The following EHD3 variants were observed in gnomAD, a reference collection of about 807,000 sequenced individuals.
EHD3 encodes the protein EH domain containing 3.
Under a neutral mutation model 43.0 loss-of-function variants are expected in EHD3, and 17 were observed. The ratio of observed to expected loss-of-function variants is 0.40; its 90% CI spans 0.27 to 0.59. The LOEUF (loss-of-function observed/expected upper bound fraction) is 0.59. Among genes scored for constraint, EHD3 ranks in the 20% least tolerant of loss-of-function variants. EHD3 has a pLI of 0.49. For missense variants in EHD3, 594 were observed against 705.6 expected (o/e 0.84, Z 1.79); for synonymous variants, 313 against 289.5 (o/e 1.08, Z -0.82).
At chr2:31,240,595 C>CT (rs1471444564) in intron 1 of EHD3, among the ~76,000 whole-genome samples, 1 of 152,216 alleles carries the variant, frequency 6.6e-6, no homozygotes, top group Non-Finnish European at 1.5e-5. Flanking sequence ...AGGACAAACT[C>CT]TAGGCCCTTG....
intron 2 of EHD3, among the ~76,000 whole-genome samples, chr2:31,245,944 C>T (rs1319167735): frequency 6.6e-6 from 1 of 151,870 alleles, no homozygotes; most frequent in African/African-American, 2.4e-5. Context: ...GGCATGGAGT[C>T]AATAACAGTC....
intron 1 of EHD3, among the ~76,000 whole-genome samples, chr2:31,236,946 A>G (rs1343754262): frequency 2.0e-5 from 3 of 152,228 alleles, no homozygotes; most frequent in African/African-American, 7.2e-5. Flanking sequence ...ATTGCCACAG[A>G]TGATTCCTCA....
intron 1 of EHD3, among the ~76,000 whole-genome samples, chr2:31,235,164 A>G: frequency 6.6e-6 from 1 of 152,136 alleles, no homozygotes; most frequent in East Asian, 1.9e-4. Flanking sequence ...GCACAATGGA[A>G]GAGCTCCTGG....
At chr2:31,236,364 C>T (rs1320107341) in intron 1 of EHD3, among the ~76,000 whole-genome samples, 1 of 152,208 alleles carries the variant, frequency 6.6e-6, no homozygotes, top group East Asian at 1.9e-4. Context: ...TAATCCATTG[C>T]TTCTTAACTT....
chr2:31,240,298 CTT>C (rs904748598), intron 1 of EHD3, among the ~76,000 whole-genome samples: 3 of 152,172 alleles, frequency 2.0e-5, no homozygotes, highest in East Asian at 1.9e-4. Context: ...CCTGAATTAA[CTT>C]TTCTTTTTTC....
chr2:31,266,338 C>T lies in EHD3; in HGVS notation c.1242C>T (p.Phe414=), dbSNP rs771037253. 2.4e-5 allele frequency: 38 copies of T among 1,614,026 alleles called. No individual in the cohort carries two copies. Among genetic ancestry groups the T allele is most frequent in the South Asian group, 7.7e-5 (7 of 91,074 alleles). The stretch of plus-strand genomic sequence containing the variant: ...TCCAGATGGTGAAGGGCGGAGCGTT[C>T]GAGGGCACCCTGCACGGCCCCTTTG... ...RPIQMVKGGA[F]EGTLHGPFGH... The change falls in exon 6 of 6, where the codon TTC becomes TTT. Residue 414 remains phenylalanine (F), a synonymous_variant. Coordinates refer to ENST00000322054, the MANE Select transcript of EHD3 (RefSeq NM_014600.3). The surrounding 1 kb of genome is among the most constrained non-coding windows in gnomAD (Gnocchi z 5.1).
At chr2:31,244,166 G>A (rs554378510) in intron 1 of EHD3, 108 bp from the exon 2 acceptor site, 14 of 1,058,664 alleles carry the variant, frequency 1.3e-5, no homozygotes, top group Middle Eastern at 3.3e-4. Context: ...TCTTGCTGCG[G>A]TGGCCCTGCC....
At chr2:31,247,371 AG>A (rs1683548264) in intron 2 of EHD3, among the ~76,000 whole-genome samples, 1 of 152,068 alleles carries the variant, frequency 6.6e-6, no homozygotes, top group South Asian at 2.1e-4. Flanking sequence ...AAAATTATAA[AG>A]AAAATATATA....
rs1331481036 is a variant in EHD3 at position 31,267,292 on chromosome 2, C to G, written c.*588C>G. 2 of 152,208 alleles carry G rather than the reference C, an allele frequency of 1.3e-5. No homozygotes were observed. The highest frequency in any genetic ancestry group is 2.9e-5 in the Non-Finnish European group (2 of 68,100). 9.4% of individuals were successfully genotyped at this position (152,208 alleles called of 1,614,324 possible). A position where few individuals can be genotyped will look rare whatever the true frequency, so the allele number is the denominator to read the frequency against. On this transcript the variant is annotated 3_prime_UTR_variant, in exon 6 of 6. Transcript: ENST00000322054. ...TAATCTAAGCCTCTGTCTTCTTCGG[C>G]AAACCTTGCTTTGAACTCTGCCAGT...
rs1216452628 is a variant in EHD3 at position 31,267,311 on chromosome 2, T to G, written c.*607T>G. The G allele has an allele frequency of 6.6e-6, 1 of 152,226 alleles. No homozygotes were observed. Among genetic ancestry groups the G allele is most frequent in the African/African-American group, 2.4e-5 (1 of 41,440 alleles). 9.4% of individuals were successfully genotyped at this position (152,226 alleles called of 1,614,324 possible). A position where few individuals can be genotyped will look rare whatever the true frequency, so the allele number is the denominator to read the frequency against. On this transcript the variant is annotated 3_prime_UTR_variant, in exon 6 of 6. Transcript: ENST00000322054. ...CTTCGGCAAACCTTGCTTTGAACTC[T>G]GCCAGTATTTCATTTTAAAGAATCC...
intron 2 of EHD3, among the ~76,000 whole-genome samples, chr2:31,245,462 G>C (rs1332139592): frequency 6.7e-6 from 1 of 150,252 alleles, no homozygotes; most frequent in Admixed American, 6.6e-5. Context: ...GGCATCTGCT[G>C]TGGCCATTTT....
At chr2:31,254,023 C>T (rs1369231060) in intron 3 of EHD3, among the ~76,000 whole-genome samples, 4 of 152,132 alleles carry the variant, frequency 2.6e-5, no homozygotes, top group Non-Finnish European at 2.9e-5. Flanking sequence ...GAAAGCAGGG[C>T]GGGGCTTTGT....
intron 1 of EHD3, among the ~76,000 whole-genome samples, chr2:31,239,410 A>G (rs1298786507): frequency 1.3e-5 from 2 of 152,214 alleles, no homozygotes; most frequent in Non-Finnish European, 2.9e-5. Flanking sequence ...AGTGTTACAC[A>G]AGGAAGCAGA....
intron 1 of EHD3, among the ~76,000 whole-genome samples, chr2:31,238,612 G>A: frequency 6.6e-6 from 1 of 152,164 alleles, no homozygotes. Context: ...CTCTGGCCCT[G>A]GCAGCCTTTC....
intron 5 of EHD3, among the ~76,000 whole-genome samples, chr2:31,264,043 C>A (rs1420784961): frequency 1.3e-5 from 2 of 152,216 alleles, no homozygotes; most frequent in Non-Finnish European, 2.9e-5. Context: ...CGGGGACAGT[C>A]ATGCCTTGCT....
At chr2:31,245,041 C>T (rs1035957895) in intron 2 of EHD3, among the ~76,000 whole-genome samples, 1 of 152,198 alleles carries the variant, frequency 6.6e-6, no homozygotes, top group South Asian at 2.1e-4. Context: ...TAATCTGGGC[C>T]TTCACATTAA....
intron 3 of EHD3, among the ~76,000 whole-genome samples, chr2:31,259,045 T>C (rs944086766): frequency 2.0e-5 from 3 of 152,196 alleles, no homozygotes; most frequent in Non-Finnish European, 4.4e-5. Flanking sequence ...GGGCAGGCTT[T>C]TTCCTAATGA....
chr2:31,243,456 C>T (rs74175097), intron 1 of EHD3, among the ~76,000 whole-genome samples: 52,052 of 91,232 alleles, frequency 0.57, 15,539 homozygotes, highest in East Asian at 0.84. Context: ...TTCTTTCTTT[C>T]TTTCTTTTTT....
intron 5 of EHD3, among the ~76,000 whole-genome samples, chr2:31,265,023 G>A (rs1683921100): frequency 6.6e-6 from 1 of 152,046 alleles, no homozygotes; most frequent in Non-Finnish European, 1.5e-5. Flanking sequence ...CCTACACAGG[G>A]TCAGCATCAT....
Sources: allele counts gnomAD v4.1 joint callset (sites outside exome capture counted in the v4.1 genomes callset), GRCh38; gene constraint gnomAD v4.1.1; non-coding constraint Gnocchi (gnomAD v3.1); transcripts MANE v1.5; gene names NCBI Gene and HGNC (gene_info 2026-07-23, HGNC 2026-07-21).